SGMS1: variants seen among roughly 807,000 people sequenced by gnomAD.
SGMS1 encodes phosphatidylcholine:ceramide cholinephosphotransferase 1.
A neutral mutation model predicts 46.2 loss-of-function variants in SGMS1; 13 were observed. The ratio of observed to expected loss-of-function variants is 0.28; its 90% confidence interval spans 0.18 to 0.45. The LOEUF (loss-of-function observed/expected upper bound fraction) is 0.45, where lower values mean the gene tolerates loss of function less well. Ranked by LOEUF, SGMS1 falls within the 20% of genes least tolerant of loss-of-function variation. The pLI is 1.00. For missense variants in SGMS1, 324 were observed against 519.9 expected, an observed-to-expected ratio of 0.62 and a Z score of 3.66; for synonymous variants, 203 against 187.8, an observed-to-expected ratio of 1.08 and a Z score of -0.66.
At chr10:50,471,292 A>G (rs1837376728) in intron 3 of SGMS1, among the ~76,000 whole-genome samples, 1 of 152,236 alleles carries the variant, frequency 6.6e-6, no homozygotes, top group Non-Finnish European at 1.5e-5. Flanking sequence ...TTTATTGAGC[A>G]TGAAGGTGGG....
intron 1 of SGMS1, among the ~76,000 whole-genome samples, chr10:50,622,608 T>C (rs1838864195): frequency 6.6e-6 from 1 of 152,224 alleles, no homozygotes; most frequent in Non-Finnish European, 1.5e-5. Context: ...TAAACTTCCC[T>C]TTCAGAAAGC....
intron 2 of SGMS1, among the ~76,000 whole-genome samples, chr10:50,549,550 G>A (rs1838131060): frequency 6.6e-6 from 1 of 152,160 alleles, no homozygotes; most frequent in Admixed American, 6.5e-5. Context: ...GAGAGGGATG[G>A]TGGGGGAGGG....
Position 50,583,828 on chromosome 10 carries a change from T to C in SGMS1, c.-589+6325A>G, listed in dbSNP as rs375689733. Among the ~76,000 whole-genome samples, 120 of 152,294 alleles carry C rather than the reference T, an allele frequency of 7.9e-4. 1 individual carries two copies. The South Asian group carries it at 0.023, about 30-fold the overall frequency. On this transcript the variant is annotated intron_variant, in intron 2 of 10. Coordinates refer to ENST00000361781, the MANE Select transcript of SGMS1 (RefSeq NM_147156.4). ...TTCAGTACTTTCCCCTCTCTAAAAA[T>C]AAAACTTGAAGACTATTCAAGTGAA...
At chr10:50,555,376 A>G (rs1838181798) in intron 2 of SGMS1, among the ~76,000 whole-genome samples, 1 of 152,212 alleles carries the variant, frequency 6.6e-6, no homozygotes. Context: ...AGAATTGCAT[A>G]AAGTTCACCA....
chr10:50,621,762 T>C (rs1254746759), intron 1 of SGMS1, among the ~76,000 whole-genome samples: 1 of 152,226 alleles, frequency 6.6e-6, no homozygotes, highest in Admixed American at 6.5e-5. Flanking sequence ...ACTAAAAACA[T>C]AAATTTCTAT....
In SGMS1 at chr10:50,411,872, C is replaced by T. The variant is rs1849105631; in HGVS notation, c.-232+21604G>A. Among the ~76,000 whole-genome samples, 5 of 152,192 alleles carry T rather than the reference C, an allele frequency of 3.3e-5. No individual in the cohort carries two copies. In the South Asian group the frequency reaches 1.0e-3, roughly 31 times the overall value. ...TTGAGGCCATCAGAGTCTGGAACACCACCGTCTACTTCTGTATGATAAGGA... is the reference window on the plus strand; with the variant it reads ...TTGAGGCCATCAGAGTCTGGAACACTACCGTCTACTTCTGTATGATAAGGA... On this transcript the variant is annotated intron_variant, in intron 6 of 10. Coordinates refer to ENST00000361781, the MANE Select transcript of SGMS1 (RefSeq NM_147156.4).
intron 6 of SGMS1, among the ~76,000 whole-genome samples, chr10:50,431,540 T>G (rs2133615786): frequency 6.6e-6 from 1 of 152,338 alleles, no homozygotes; most frequent in Admixed American, 6.5e-5. Flanking sequence ...AAGAAGTTGC[T>G]TCTAGAAGAA....
At chr10:50,528,456 C>A (rs921138100) in intron 2 of SGMS1, among the ~76,000 whole-genome samples, 5 of 152,318 alleles carry the variant, frequency 3.3e-5, no homozygotes, top group African/African-American at 1.2e-4. Flanking sequence ...CAATACACAG[C>A]AGGGACTATT....
chr10:50,350,705 T>C (rs974546827), intron 6 of SGMS1, among the ~76,000 whole-genome samples: 3 of 152,158 alleles, frequency 2.0e-5, no homozygotes, highest in Non-Finnish European at 4.4e-5. Context: ...AGCTTCCCCA[T>C]TGTGTTGAGC....
chr10:50,472,376 C>T (rs1055242277), intron 3 of SGMS1, among the ~76,000 whole-genome samples: 1 of 152,104 alleles, frequency 6.6e-6, no homozygotes, highest in African/African-American at 2.4e-5. Flanking sequence ...CTCTGGTAAC[C>T]ACCATTCTAC....
intron 2 of SGMS1, among the ~76,000 whole-genome samples, chr10:50,577,659 T>A (rs1182681595): frequency 6.6e-6 from 1 of 152,212 alleles, no homozygotes; most frequent in African/African-American, 2.4e-5. Context: ...TTAGGAAACC[T>A]CTGAATCTGA....
chr10:50,339,600 T>C (rs1284081853), intron 7 of SGMS1, among the ~76,000 whole-genome samples: 1 of 152,054 alleles, frequency 6.6e-6, no homozygotes, highest in Non-Finnish European at 1.5e-5. Context: ...TCAGGATCCT[T>C]TACTCAGTGG....
At chr10:50,543,651 T>C (rs1163526778) in intron 2 of SGMS1, among the ~76,000 whole-genome samples, 3 of 152,348 alleles carry the variant, frequency 2.0e-5, no homozygotes, top group Non-Finnish European at 4.4e-5. Flanking sequence ...AGCAGTTGCT[T>C]CTGCAGGAAG....
intron 6 of SGMS1, among the ~76,000 whole-genome samples, chr10:50,354,745 G>GA (rs1476572740): frequency 1.3e-5 from 2 of 151,948 alleles, no homozygotes; most frequent in African/African-American, 2.4e-5. Flanking sequence ...ACATTTACAA[G>GA]AAAAAAACAA....
chr10:50,431,576 G>A (rs899958200), intron 6 of SGMS1, among the ~76,000 whole-genome samples: 3 of 152,058 alleles, frequency 2.0e-5, no homozygotes, highest in Non-Finnish European at 4.4e-5. Context: ...ATCTGGTTTC[G>A]TTTTTTTCCT....
At chr10:50,373,082 T>A (rs1848467298) in intron 6 of SGMS1, among the ~76,000 whole-genome samples, 1 of 152,216 alleles carries the variant, frequency 6.6e-6, no homozygotes, top group Non-Finnish European at 1.5e-5. Flanking sequence ...AAAATCCTCC[T>A]CAGCAGTATA....
At chr10:50,355,814 G>A (rs1296969177) in intron 6 of SGMS1, among the ~76,000 whole-genome samples, 2 of 151,412 alleles carry the variant, frequency 1.3e-5, no homozygotes, top group East Asian at 2.0e-4. Context: ...CCGTCATCCC[G>A]TCTAGGATGT....
At chr10:50,502,168 T>C (rs1243723157) in intron 3 of SGMS1, among the ~76,000 whole-genome samples, 1 of 152,104 alleles carries the variant, frequency 6.6e-6, no homozygotes, top group Admixed American at 6.5e-5. Context: ...GCCTCTCACC[T>C]GACAAGATAG....
At chr10:50,361,600 A>G (rs1408568359) in intron 6 of SGMS1, among the ~76,000 whole-genome samples, 3 of 152,204 alleles carry the variant, frequency 2.0e-5, no homozygotes, top group African/African-American at 7.2e-5. Context: ...TTGCAACTTC[A>G]CTTGCTCTCT....
Sources: allele counts gnomAD v4.1 joint callset (sites outside exome capture counted in the v4.1 genomes callset), GRCh38; gene constraint gnomAD v4.1.1; transcripts MANE v1.5; gene names NCBI Gene and HGNC (gene_info 2026-07-23, HGNC 2026-07-21).